PTPRD: variants seen among roughly 807,000 people sequenced by gnomAD.
PTPRD encodes the protein receptor-type tyrosine-protein phosphatase delta.
Under a neutral mutation model 214.5 loss-of-function variants are expected in PTPRD, and 34 were observed. The observed-to-expected ratio is 0.16, with a 90% confidence interval of 0.12 to 0.21. The LOEUF (loss-of-function observed/expected upper bound fraction) is 0.21. Among genes scored for constraint, PTPRD ranks in the 10% least tolerant of loss-of-function variants. The pLI, the probability that PTPRD is intolerant of heterozygous loss-of-function variation, is 1.00. For missense variants in PTPRD, 2,545 were observed against 2,398.7 expected, an observed-to-expected ratio of 1.06 and a Z score of -1.27; for synonymous variants, 1,128 against 845.7, an observed-to-expected ratio of 1.33 and a Z score of -5.79.
At chr9:9,639,596 T>C (rs2095872852) in intron 7 of PTPRD, among the ~76,000 whole-genome samples, 2 of 152,334 alleles carry the variant, frequency 1.3e-5, no homozygotes, top group Admixed American at 1.3e-4. Context: ...TCTCATTCTA[T>C]AAAGATCAAT....
chr9:9,852,531 G>A (rs923738207), intron 5 of PTPRD, among the ~76,000 whole-genome samples: 4 of 151,944 alleles, frequency 2.6e-5, no homozygotes, highest in African/African-American at 9.7e-5. Flanking sequence ...CTGCTATAGT[G>A]TCTAGAGTTA....
intron 8 of PTPRD, among the ~76,000 whole-genome samples, chr9:9,518,305 T>C (rs1160831334): frequency 1.3e-5 from 2 of 152,084 alleles, no homozygotes; most frequent in African/African-American, 4.8e-5. Flanking sequence ...GTGAAGTGTT[T>C]CTTCCTAATA....
At chr9:9,707,648 A>C (rs147598038) in intron 7 of PTPRD, among the ~76,000 whole-genome samples, 2 of 152,316 alleles carry the variant, frequency 1.3e-5, no homozygotes, top group African/African-American at 4.8e-5. Context: ...CCTATGAATT[A>C]TCCAATAAAT....
chr9:9,005,804 G>A (rs150866093), intron 11 of PTPRD, among the ~76,000 whole-genome samples: 1,923 of 151,956 alleles, frequency 0.013, 48 homozygotes, highest in African/African-American at 0.044. Flanking sequence ...TCATAATTGG[G>A]GATGTCTGGA....
At chr9:10,348,659 G>T (rs7852334) in intron 2 of PTPRD, among the ~76,000 whole-genome samples, 1 of 152,060 alleles carries the variant, frequency 6.6e-6, no homozygotes, top group African/African-American at 2.4e-5. Flanking sequence ...CATTTGTTAC[G>T]TTATTTCATT....
intron 10 of PTPRD, among the ~76,000 whole-genome samples, chr9:9,030,525 G>C (rs1194432972): frequency 6.6e-6 from 1 of 151,544 alleles, no homozygotes; most frequent in African/African-American, 2.4e-5. Flanking sequence ...TGCCTCTCTA[G>C]GATTGCCCTT....
intron 8 of PTPRD, among the ~76,000 whole-genome samples, chr9:9,530,543 G>A (rs560949545): frequency 9.2e-5 from 14 of 152,198 alleles, no homozygotes; most frequent in African/African-American, 3.1e-4. Context: ...CTTCACTGCT[G>A]AATTGACTTA....
chr9:9,570,677 A>G (rs2086094042), intron 8 of PTPRD, among the ~76,000 whole-genome samples: 1 of 151,530 alleles, frequency 6.6e-6, no homozygotes, highest in Non-Finnish European at 1.5e-5. Context: ...CCCTGCTTTC[A>G]TTATGACACA....
intron 10 of PTPRD, among the ~76,000 whole-genome samples, chr9:9,037,669 C>G (rs544647990): frequency 9.9e-4 from 151 of 152,276 alleles, no homozygotes; most frequent in Admixed American, 1.9e-3. Context: ...TCTTTCCCTT[C>G]TTTACAAGAT....
chr9:10,387,705 A>G (rs568954295), intron 2 of PTPRD, among the ~76,000 whole-genome samples: 1 of 150,142 alleles, frequency 6.7e-6, no homozygotes, highest in South Asian at 2.1e-4. Flanking sequence ...CTTCAAGAGG[A>G]CTCACCTTGC....
chr9:9,997,150 T>C (rs1290668388), intron 4 of PTPRD, among the ~76,000 whole-genome samples: 2 of 152,112 alleles, frequency 1.3e-5, no homozygotes, highest in Non-Finnish European at 2.9e-5. Flanking sequence ...CAATAAATAG[T>C]TAGAAATTAT....
chr9:9,945,980 T>C (rs574773451), intron 4 of PTPRD, among the ~76,000 whole-genome samples: 2 of 147,358 alleles, frequency 1.4e-5, no homozygotes, highest in South Asian at 4.3e-4. Context: ...TGATATAAAA[T>C]TTAAAATGAT....
At chr9:9,003,096 G>T (rs1381916650) in intron 11 of PTPRD, among the ~76,000 whole-genome samples, 1 of 151,954 alleles carries the variant, frequency 6.6e-6, no homozygotes, top group South Asian at 2.1e-4. Context: ...TTCAGAATAC[G>T]TTAGGTAACT....
At chr9:10,016,324 G>A (rs974250878) in intron 4 of PTPRD, among the ~76,000 whole-genome samples, 1 of 151,984 alleles carries the variant, frequency 6.6e-6, no homozygotes, top group South Asian at 2.1e-4. Context: ...AGCCATCCGT[G>A]TGTCCAGGGA....
intron 39 of PTPRD, among the ~76,000 whole-genome samples, chr9:8,347,473 T>C (rs370554248): frequency 2.6e-5 from 4 of 152,092 alleles, no homozygotes; most frequent in African/African-American, 9.7e-5. Context: ...GAATCTGACA[T>C]TAAATAATCA....
intron 11 of PTPRD, among the ~76,000 whole-genome samples, chr9:8,950,666 C>T (rs979353544): frequency 6.6e-6 from 1 of 151,656 alleles, no homozygotes; most frequent in Admixed American, 6.6e-5. Context: ...TAGAACTTCC[C>T]AGAATCCTAT....
intron 11 of PTPRD, among the ~76,000 whole-genome samples, chr9:8,912,902 G>A (rs2098757814): frequency 6.6e-6 from 1 of 152,026 alleles, no homozygotes; most frequent in Non-Finnish European, 1.5e-5. Context: ...TGAAGTCACT[G>A]TTGTACAGCT....
intron 2 of PTPRD, among the ~76,000 whole-genome samples, chr9:10,503,193 C>CAATAA (rs2044382253): frequency 1.4e-5 from 1 of 69,070 alleles, no homozygotes; most frequent in African/African-American, 4.7e-5. Context: ...AGCTGCAATA[C>CAATAA]AAAAAAAAAA....
intron 8 of PTPRD, among the ~76,000 whole-genome samples, chr9:9,514,929 G>A (rs1448248510): frequency 6.6e-6 from 1 of 152,058 alleles, no homozygotes; most frequent in Non-Finnish European, 1.5e-5. Context: ...TATTTGTAAA[G>A]TGTCTAATCA....
Sources: allele counts gnomAD v4.1 joint callset (sites outside exome capture counted in the v4.1 genomes callset), GRCh38; gene constraint gnomAD v4.1.1; transcripts MANE v1.5; gene names NCBI Gene and HGNC (gene_info 2026-07-23, HGNC 2026-07-21).